Variants in THAP12 observed in about 807,000 individuals in gnomAD.
THAP12 encodes the protein THAP domain containing 12.
THAP12 carries 20 observed loss-of-function variants against 63.0 expected under a neutral mutation model. The ratio of observed to expected loss-of-function variants is 0.32; its 90% confidence interval spans 0.22 to 0.46. The LOEUF is 0.46. Among genes scored for constraint, THAP12 ranks in the 20% least tolerant of loss-of-function variants. The pLI, the probability that THAP12 is intolerant of heterozygous loss-of-function variation, is 1.00. For synonymous variants in THAP12, 264 were observed against 328.4 expected, an observed-to-expected ratio of 0.80 and a Z score of 2.12; for missense variants, 568 against 908.2, an observed-to-expected ratio of 0.63 and a Z score of 4.81.
Position 76,375,602 on chromosome 11 carries a change from T to C in THAP12, c.89+5146A>G, listed in dbSNP as rs1946703686. 2.0e-5 allele frequency among the ~76,000 whole-genome samples: 3 copies of C among 152,168 alleles called. No homozygotes were observed. In the South Asian group the frequency reaches 6.2e-4, roughly 32 times the overall value. On this transcript the variant is annotated intron_variant, in intron 1 of 4. Coordinates refer to ENST00000260045, the MANE Select transcript of THAP12 (RefSeq NM_004705.4). ...TTTCTAAAAGCATGCATGGAATTTATAACTGATGACTGGGAAATGTACTGT... is the reference window on the plus strand; with the variant it reads ...TTTCTAAAAGCATGCATGGAATTTACAACTGATGACTGGGAAATGTACTGT...
chr11:76,371,381 C>A (rs1441737798), intron 1 of THAP12, among the ~76,000 whole-genome samples: 1 of 152,168 alleles, frequency 6.6e-6, no homozygotes, highest in African/African-American at 2.4e-5. Flanking sequence ...GCCTTCAGAT[C>A]TTAGCGCAAA....
At chr11:76,370,509 C>A (rs918278568) in intron 1 of THAP12, among the ~76,000 whole-genome samples, 1 of 151,898 alleles carries the variant, frequency 6.6e-6, no homozygotes, top group African/African-American at 2.4e-5. Context: ...ACTACAGGCA[C>A]ACGCCACCAT....
At chr11:76,371,160 T>C (rs1242642687) in intron 1 of THAP12, among the ~76,000 whole-genome samples, 2 of 152,192 alleles carry the variant, frequency 1.3e-5, no homozygotes, top group Non-Finnish European at 2.9e-5. Context: ...TCTGCCCTTC[T>C]CTAACCCCTT....
rs1408042831 is a variant in THAP12 at position 76,351,643 on chromosome 11, G to C, written c.1507C>G (p.Gln503Glu). The C allele has an allele frequency of 6.3e-7, 1 of 1,582,852 alleles. No individual in the cohort carries two copies. The highest frequency in any genetic ancestry group is 1.4e-5 in the African/African-American group (1 of 73,556). Reference protein sequence around the residue: ...TRAFGKNLQGQTSDVFFAAGS... With the variant: ...TRAFGKNLQGETSDVFFAAGS... ...GCCGCAAAGAAGACATCAGAGGTTT[G>C]CCCCTGGAGGTTTTTCCCAAAGGCT... Residue 503 changes from glutamine (Q) to glutamate (E), a missense_variant, in exon 5 of 5, where the codon CAA (glutamine) becomes GAA (glutamate). Physicochemically the swap from Gln to Glu is conservative, Grantham distance 29 (BLOSUM62 2). Transcript: ENST00000260045.
rs1565232798 is a variant in THAP12, at chr11:76,360,965, T to C, written c.309A>G (p.Ile103Met). The change falls in exon 3 of 5, where the codon ATA becomes ATG. Residue 103 changes from isoleucine (I) to methionine (M), a missense_variant. Physicochemically the swap from Ile to Met is conservative, Grantham distance 10. Coordinates refer to ENST00000260045, the MANE Select transcript of THAP12 (RefSeq NM_004705.4). The part of the protein sequence containing the change: ...NNPHSRHRKR[I>M]KELSEDEIRT... ...AAGTACATAGACATACCAGTTCTTT[T>C]ATTCGTTTTCTGTGTCTACTATGTG... 6.3e-7 allele frequency: 1 copy of C among 1,594,290 alleles called. No individual in the cohort carries two copies. Among genetic ancestry groups the C allele is most frequent in the Non-Finnish European group, 8.6e-7 (1 of 1,163,866 alleles).
intron 1 of THAP12, among the ~76,000 whole-genome samples, chr11:76,378,598 C>CTT (rs1335893028): frequency 6.9e-6 from 1 of 145,156 alleles, no homozygotes; most frequent in African/African-American, 2.5e-5. Context: ...GACATCTATT[C>CTT]TTTTTTTTTT....
intron 2 of THAP12, chr11:76,361,285 T>G: frequency 4.5e-6 from 2 of 444,198 alleles, no homozygotes; most frequent in Non-Finnish European, 8.0e-6. Context: ...GAATTGAAGG[T>G]AGGCATAAAA....
chr11:76,361,321 ATCTGTT>A (rs1433550059), intron 2 of THAP12: 13 of 352,658 alleles, frequency 3.7e-5, no homozygotes, highest in Non-Finnish European at 6.2e-5. Flanking sequence ...CATTTTGCAT[ATCTGTT>A]TCTAATTCAG....
intron 3 of THAP12, chr11:76,356,729 T>A (rs1946563767): frequency 6.6e-6 from 1 of 152,200 alleles, no homozygotes; most frequent in Admixed American, 6.5e-5. Flanking sequence ...GTATCATAAA[T>A]AATCTAGGTA....
intron 1 of THAP12, among the ~76,000 whole-genome samples, chr11:76,373,764 C>A (rs551155992): frequency 6.6e-6 from 1 of 151,914 alleles, no homozygotes; most frequent in African/African-American, 2.4e-5. Context: ...TTTAGAGCAG[C>A]AATTCTCAAA....
At chr11:76,369,830 G>A (rs972157958) in intron 1 of THAP12, among the ~76,000 whole-genome samples, 1 of 152,248 alleles carries the variant, frequency 6.6e-6, no homozygotes, top group African/African-American at 2.4e-5. Flanking sequence ...CCCCCTCATG[G>A]GAAAGACGGA....
In THAP12 at chr11:76,351,752, T is replaced by A; in HGVS notation, c.1398A>T (p.Arg466=). ...NIRWNNYIAG[R]AFVLCSAVSD... ...ACACTGCACTGCAGAGTACAAATGC[T>A]CGGCCAGCTATATAGTTATTCCATC... The change falls in exon 5 of 5, where the codon CGA becomes CGT. Residue 466 remains arginine, a synonymous_variant. Coordinates refer to ENST00000260045, the MANE Select transcript of THAP12 (RefSeq NM_004705.4). The A allele has an allele frequency of 6.2e-7, 1 of 1,613,550 alleles. No homozygotes were observed. Among genetic ancestry groups the A allele is most frequent in the Non-Finnish European group, 8.5e-7 (1 of 1,179,558 alleles).
chr11:76,352,671 T>C lies in THAP12; in HGVS notation c.479A>G (p.Lys160Arg). The C allele has an allele frequency of 6.2e-7, 1 of 1,612,756 alleles. No homozygotes were observed. The highest frequency in any genetic ancestry group is 1.1e-5 in the South Asian group (1 of 91,002). Residue 160 changes from lysine to arginine, a missense_variant, in exon 5 of 5, where the codon AAG becomes AGG. By Grantham distance (26) the Lys-to-Arg change is conservative. Transcript: ENST00000260045. ...EDILPLTLEE[K>R]ENKEYLKSLF... ...AGATTTTAGGTATTCTTTGTTTTCC[T>C]TCTCTTCAAGGGTTAGAGGTAAAAT...
intron 4 of THAP12, among the ~76,000 whole-genome samples, chr11:76,353,404 T>C (rs951502504): frequency 1.3e-5 from 2 of 152,202 alleles, no homozygotes; most frequent in Non-Finnish European, 2.9e-5. Context: ...GTTAGAAGAA[T>C]GGAAGTAAAG....
intron 4 of THAP12, 54 bp from the exon 5 acceptor site, chr11:76,352,848 C>A: frequency 6.8e-7 from 1 of 1,481,458 alleles, no homozygotes; most frequent in Non-Finnish European, 9.0e-7. Flanking sequence ...CCATACACAA[C>A]AAAAAATATT....
In THAP12 at chr11:76,365,742, G is replaced by T. The variant is rs577666088; in HGVS notation, c.210+110C>A. The T allele has an allele frequency of 1.6e-4, 211 of 1,319,486 alleles. 3 individuals carry two copies. The African/African-American group carries it at 2.8e-3, about 17-fold the overall frequency. The allele number at this position is 1,319,486 out of a possible 1,614,324, so 81.7% of individuals were successfully genotyped here. A position where few individuals can be genotyped will look rare whatever the true frequency, so the allele number is the denominator to read the frequency against. On this transcript the variant is annotated intron_variant, in intron 2 of 4. Coordinates refer to ENST00000260045, the MANE Select transcript of THAP12 (RefSeq NM_004705.4). ...AATCTGTCTTCATCTTAAAGTGGCA[G>T]GATATAGGAATACCTTCCAACATTG...
chr11:76,353,870 G>C (rs552683900), intron 4 of THAP12, among the ~76,000 whole-genome samples: 14 of 152,180 alleles, frequency 9.2e-5, no homozygotes, highest in African/African-American at 3.1e-4. Flanking sequence ...TTAGCTGGGC[G>C]TGGTGGCACA....
At chr11:76,358,492 T>C (rs1231041274) in intron 3 of THAP12, 2 of 152,106 alleles carry the variant, frequency 1.3e-5, no homozygotes, top group Admixed American at 6.5e-5. Context: ...AATGAAAGCA[T>C]GTGATAAGTT....
intron 1 of THAP12, among the ~76,000 whole-genome samples, chr11:76,367,081 C>CTTT (rs544146351): frequency 3.4e-4 from 50 of 145,596 alleles, no homozygotes; most frequent in East Asian, 6.0e-4. Context: ...CTTTTCTTTT[C>CTTT]TTTTTTTTTT....
Sources: gnomAD v4.1 joint callset for allele counts (sites outside exome capture counted in the v4.1 genomes callset) on GRCh38, gnomAD v4.1.1 for gene constraint, MANE v1.5 for transcripts, NCBI Gene and HGNC (gene_info 2026-07-23, HGNC 2026-07-21) for gene names.